PARP4: variants seen among roughly 807,000 people sequenced by gnomAD.
PARP4 encodes protein mono-ADP-ribosyltransferase PARP4.
Under a neutral mutation model 187.7 loss-of-function variants are expected in PARP4, and 120 were observed. The observed-to-expected ratio is 0.64, with a 90% CI of 0.55 to 0.74. The LOEUF is 0.74. PARP4 is among the 30% of genes least tolerant of loss of function. The pLI is 0.00. For synonymous variants in PARP4, 654 were observed against 740.9 expected (o/e 0.88, Z 1.90); for missense variants, 1,836 against 2,070.5 (o/e 0.89, Z 2.20).
At chr13:24,451,128 T>C (rs1052070290) in intron 24 of PARP4, among the ~76,000 whole-genome samples, 2 of 152,182 alleles carry the variant, frequency 1.3e-5, no homozygotes, top group African/African-American at 4.8e-5. Context: ...CGTCCCAGAA[T>C]AGGCCCTCAC....
chr13:24,443,731 C>A lies in PARP4; in HGVS notation c.3367-1G>T. 6.2e-7 allele frequency: 1 copy of A among 1,611,290 alleles called. No homozygotes were observed. Among genetic ancestry groups the A allele is most frequent in the Non-Finnish European group, 8.5e-7 (1 of 1,177,666 alleles). On this transcript the variant is annotated splice_acceptor_variant, in intron 27 of 33. Transcript: ENST00000381989. LOFTEE classifies it high-confidence loss of function. Reference sequence around the variant, plus strand: ...CTCGGGCTGCCAGCTTGTGGATCATCTGTGTTTAAGCAGCAAAGGAAAAAA... The same window carrying A: ...CTCGGGCTGCCAGCTTGTGGATCATATGTGTTTAAGCAGCAAAGGAAAAAA...
intron 17 of PARP4, among the ~76,000 whole-genome samples, chr13:24,467,910 C>A (rs1187101576): frequency 6.6e-6 from 1 of 152,130 alleles, no homozygotes; most frequent in Non-Finnish European, 1.5e-5. Context: ...ATACATAGAG[C>A]CAGCATTCTT....
intron 20 of PARP4, among the ~76,000 whole-genome samples, chr13:24,457,868 C>A (rs1013376622): frequency 6.6e-6 from 1 of 150,408 alleles, no homozygotes; most frequent in Non-Finnish European, 1.5e-5. Flanking sequence ...AATAAAATTT[C>A]TCAGAACTAA....
chr13:24,484,788 T>A (rs779383743), intron 11 of PARP4, 40 bp from the exon 12 acceptor site: 7 of 1,276,728 alleles, frequency 5.5e-6, no homozygotes, highest in Non-Finnish European at 8.0e-6. Context: ...AGCCCAACAC[T>A]GACTGCATCT....
intron 20 of PARP4, among the ~76,000 whole-genome samples, chr13:24,457,387 T>C (rs951640326): frequency 6.6e-6 from 1 of 152,110 alleles, no homozygotes; most frequent in African/African-American, 2.4e-5. Context: ...CCAAAGGACT[T>C]GCTGTGGCCA....
At chr13:24,492,866 T>C (rs1868738377) in intron 8 of PARP4, among the ~76,000 whole-genome samples, 1 of 152,222 alleles carries the variant, frequency 6.6e-6, no homozygotes, top group Admixed American at 6.5e-5. Flanking sequence ...TCTACATACC[T>C]ATACACAGAG....
At chr13:24,428,287 C>T (rs1228886955) in intron 32 of PARP4, among the ~76,000 whole-genome samples, 1 of 152,070 alleles carries the variant, frequency 6.6e-6, no homozygotes, top group Admixed American at 6.5e-5. Flanking sequence ...TCCTTCTCAG[C>T]GTCTTTGCTG....
chr13:24,446,959 A>G, intron 26 of PARP4, 57 bp downstream of exon 26: 1 of 1,532,232 alleles, frequency 6.5e-7, no homozygotes, highest in South Asian at 1.3e-5. Context: ...AGACAGAAAA[A>G]AAATTAGCAA....
At chr13:24,494,489 G>A in intron 7 of PARP4, 84 bp downstream of exon 7, 1 of 1,271,450 alleles carries the variant, frequency 7.9e-7, no homozygotes, top group Non-Finnish European at 1.1e-6. Flanking sequence ...CACGAAGCCT[G>A]GCCCAGTCTT....
At chr13:24,465,253 A>G (rs916666317) in intron 17 of PARP4, among the ~76,000 whole-genome samples, 4 of 152,348 alleles carry the variant, frequency 2.6e-5, no homozygotes, top group Non-Finnish European at 5.9e-5. Flanking sequence ...ACCTAGAACC[A>G]GAAATACCAT....
At chr13:24,422,463 C>CT (rs1185195873) in intron 33 of PARP4, among the ~76,000 whole-genome samples, 1 of 152,078 alleles carries the variant, frequency 6.6e-6, no homozygotes, top group Non-Finnish European at 1.5e-5. Flanking sequence ...ACTGATTGGC[C>CT]TCTACACTTT....
chr13:24,494,490 GC>G, intron 7 of PARP4, 82 bp downstream of exon 7: 1 of 1,279,882 alleles, frequency 7.8e-7, no homozygotes. Flanking sequence ...ACGAAGCCTG[GC>G]CCAGTCTTTT....
chr13:24,455,161 C>T lies in PARP4; in HGVS notation c.2614G>A (p.Ala872Thr), dbSNP rs1038551330. The part of the protein sequence containing the change: ...PDLDVDLPDL[A>T]SESEVIICLD... The stretch of plus-strand genomic sequence containing the variant: ...CAAATAATCACTTCGCTCTCACTGG[C>T]TAGGTCAGGGAGGTCGACATCGAGA... Residue 872 changes from alanine to threonine, a missense_variant, in exon 22 of 34, where the codon GCC becomes ACC. Transcript: ENST00000381989. The T allele has an allele frequency of 3.1e-5, 50 of 1,609,432 alleles. No homozygotes were observed. Among genetic ancestry groups the T allele is most frequent in the Non-Finnish European group, 4.3e-5 (50 of 1,176,410 alleles).
At chr13:24,446,617 T>C (rs1593600036) in intron 27 of PARP4, 64 bp downstream of exon 27, 18 of 1,107,564 alleles carry the variant, frequency 1.6e-5, no homozygotes, top group Non-Finnish European at 2.5e-5. Context: ...TAGAGCATTA[T>C]ATATGGAAAT....
Position 24,477,754 on chromosome 13 carries a change from T to G in PARP4, c.1736A>C (p.His579Pro). The change falls in exon 14 of 34, where the codon CAT (histidine) becomes CCT (proline). Residue 579 changes from histidine (H) to proline (P), a missense_variant. This residue lies in a region of PARP4 where 1,147 missense variants were observed against 1,214.2 expected (regional missense o/e 0.94). Transcript: ENST00000381989. ...DQIKDFHPSD[H>P]TELEEYRPEF... Reference sequence around the variant, plus strand: ...AGGTCTGTATTCCTCTAATTCAGTATGATCACTAGGATGAAAGTCCTTTAT... The same window carrying G: ...AGGTCTGTATTCCTCTAATTCAGTAGGATCACTAGGATGAAAGTCCTTTAT... The G allele has an allele frequency of 6.3e-7, 1 of 1,592,040 alleles. No homozygotes were observed. The highest frequency in any genetic ancestry group is 1.1e-5 in the South Asian group (1 of 87,714).
intron 14 of PARP4, 76 bp from the exon 15 acceptor site, chr13:24,475,672 C>G: frequency 7.3e-7 from 1 of 1,374,410 alleles, no homozygotes; most frequent in Non-Finnish European, 1.0e-6. Context: ...TTTATTCCTT[C>G]TTCAAGCCTT....
At chr13:24,468,309 A>G (rs1020513790) in intron 17 of PARP4, among the ~76,000 whole-genome samples, 2 of 152,130 alleles carry the variant, frequency 1.3e-5, no homozygotes, top group South Asian at 2.1e-4. Context: ...AGCTGGCCCA[A>G]GGAGGACCCG....
chr13:24,469,193 A>G, intron 16 of PARP4, 83 bp from the exon 17 acceptor site: 1 of 956,156 alleles, frequency 1.0e-6, no homozygotes, highest in Non-Finnish European at 1.7e-6. Flanking sequence ...AATGTTTACT[A>G]AAACCCAGGC....
chr13:24,436,441 C>CT (rs1477256762), intron 30 of PARP4, among the ~76,000 whole-genome samples: 2 of 151,944 alleles, frequency 1.3e-5, no homozygotes, highest in East Asian at 3.9e-4. Context: ...GTAGCTGGGA[C>CT]TATGAGCATG....
Sources: gnomAD v4.1 joint callset for allele counts (sites outside exome capture counted in the v4.1 genomes callset) on GRCh38, gnomAD v4.1.1 for gene constraint, gnomAD v4.1.1 regional missense constraint, MANE v1.5 for transcripts, NCBI Gene and HGNC (gene_info 2026-07-23, HGNC 2026-07-21) for gene names.